Variants in TRPC4AP observed in about 807,000 individuals in gnomAD.
TRPC4AP encodes the protein transient receptor potential cation channel subfamily C member 4 associated protein.
Under a neutral mutation model 99.0 loss-of-function variants are expected in TRPC4AP, and 45 were observed. The observed-to-expected ratio is 0.45, with a 90% CI of 0.36 to 0.58. The LOEUF is 0.58. Ranked by LOEUF, TRPC4AP falls within the 20% of genes least tolerant of loss-of-function variation. The pLI, the probability that TRPC4AP is intolerant of heterozygous loss-of-function variation, is 0.00. For synonymous variants in TRPC4AP, 408 were observed against 385.8 expected (o/e 1.06, Z -0.67); for missense variants, 879 against 985.3 (o/e 0.89, Z 1.44).
intron 12 of TRPC4AP, among the ~76,000 whole-genome samples, chr20:35,009,526 G>A (rs1387769556): frequency 6.6e-6 from 1 of 152,120 alleles, no homozygotes; most frequent in Non-Finnish European, 1.5e-5. Flanking sequence ...CACACCTGTA[G>A]TCCCAGCTAC....
At chr20:35,029,142 T>C (rs1435117461) in intron 8 of TRPC4AP, among the ~76,000 whole-genome samples, 2 of 152,080 alleles carry the variant, frequency 1.3e-5, no homozygotes, top group Non-Finnish European at 1.5e-5. Flanking sequence ...TCCCAACTAC[T>C]TGGGAGGCTG....
chr20:35,035,428 T>C (rs925643424), intron 7 of TRPC4AP, 120 bp from the exon 8 acceptor site: 12 of 1,086,998 alleles, frequency 1.1e-5, no homozygotes, highest in Non-Finnish European at 1.5e-5. Context: ...TAGCTAAAGC[T>C]ACTCTTTTAA....
intron 8 of TRPC4AP, among the ~76,000 whole-genome samples, chr20:35,031,191 C>A (rs1174666056): frequency 6.6e-6 from 1 of 151,858 alleles, no homozygotes; most frequent in African/African-American, 2.4e-5. Flanking sequence ...GCATGATGAG[C>A]CATTTTTCTC....
Position 35,021,374 on chromosome 20 carries a change from G to A in TRPC4AP, c.1052-18C>T. ...AATGGAGGCTGACACAGCCACCGGAGACAGGATTGAGTCACAGCTTGTGAG... is the reference window on the plus strand; with the variant it reads ...AATGGAGGCTGACACAGCCACCGGAAACAGGATTGAGTCACAGCTTGTGAG... On this transcript the variant is annotated intron_variant, in intron 8 of 18. Coordinates refer to ENST00000252015, the MANE Select transcript of TRPC4AP (RefSeq NM_015638.3). 2 of 1,611,326 alleles carry A rather than the reference G, an allele frequency of 1.2e-6. No homozygotes were observed. The highest frequency in any genetic ancestry group is 2.7e-5 in the African/African-American group (2 of 74,982).
intron 13 of TRPC4AP, 71 bp from the exon 14 acceptor site, chr20:35,007,711 T>C (rs2082543726): frequency 4.7e-6 from 7 of 1,504,506 alleles, no homozygotes; most frequent in South Asian, 3.4e-5. Flanking sequence ...CTCCAAGGGG[T>C]TGGGAGATGT....
intron 1 of TRPC4AP, among the ~76,000 whole-genome samples, chr20:35,091,825 T>C (rs971231597): frequency 6.6e-6 from 1 of 151,964 alleles, no homozygotes; most frequent in African/African-American, 2.4e-5. Flanking sequence ...TTGCCCCCTT[T>C]GATCTCCACA....
chr20:35,005,885 G>T, intron 15 of TRPC4AP, 82 bp from the exon 16 acceptor site: 1 of 1,255,274 alleles, frequency 8.0e-7, no homozygotes, highest in Admixed American at 1.8e-5. Context: ...CACTACAAGG[G>T]GCATCAGCGA....
intron 5 of TRPC4AP, among the ~76,000 whole-genome samples, chr20:35,051,132 T>G (rs560416679): frequency 1.6e-4 from 25 of 152,202 alleles, no homozygotes; most frequent in Non-Finnish European, 3.2e-4. Context: ...TATTTCTTTT[T>G]TTTAGCCTCT....
At chr20:35,061,421 A>C (rs1203974759) in intron 3 of TRPC4AP, among the ~76,000 whole-genome samples, 1 of 152,218 alleles carries the variant, frequency 6.6e-6, no homozygotes, top group African/African-American at 2.4e-5. Context: ...ATTGACCTAC[A>C]AATTCAATGC....
At chr20:35,036,094 C>A (rs1484838488) in intron 7 of TRPC4AP, among the ~76,000 whole-genome samples, 2 of 152,172 alleles carry the variant, frequency 1.3e-5, no homozygotes, top group Non-Finnish European at 2.9e-5. Context: ...TTCCACCAAT[C>A]TCATTTTATT....
intron 3 of TRPC4AP, among the ~76,000 whole-genome samples, chr20:35,059,905 CGAAGACGAAGAAGACAA>C (rs1569132223): frequency 2.2e-5 from 1 of 46,088 alleles, no homozygotes; most frequent in Non-Finnish European, 5.7e-5. Context: ...ATGAAGAAGA[CGAAGACGAAGAAGACAA>C]AGACGAAGAA....
rs765881274 is a variant in TRPC4AP, at chr20:35,066,937, C to G, written c.414+2359G>C. Among the ~76,000 whole-genome samples the G allele has an allele frequency of 5.3e-4, 80 of 151,944 alleles. 2 individuals carry two copies. The highest frequency in any genetic ancestry group is 1.6e-4 in the Non-Finnish European group (11 of 67,990). On this transcript the variant is annotated intron_variant, in intron 3 of 18. Coordinates refer to ENST00000252015, the MANE Select transcript of TRPC4AP (RefSeq NM_015638.3). The stretch of plus-strand genomic sequence containing the variant: ...GCAGAAAAGGAACTACTTATAAACA[C>G]AAGAAAAAATATCCAATCTCAGTCA...
rs112677737 is a variant in TRPC4AP, at chr20:35,044,617, G to C, written c.753C>G (p.Val251=). 1.4e-5 allele frequency: 22 copies of C among 1,614,110 alleles called. No homozygotes were observed. The highest frequency in any genetic ancestry group is 5.3e-5 in the African/African-American group (4 of 75,032). The change falls in exon 7 of 19, where the codon GTC becomes GTG. Residue 251 remains valine, a synonymous_variant. Transcript: ENST00000252015. ...TCCCTGTATCCATCTCTGAAATGGT[G>C]ACAGCCAGAATCCGGCAGAAATTAG... is the stretch of plus-strand genomic sequence containing the variant. ...QLANFCRILA[V]TISEMDTGND...
At chr20:35,003,855 ACCTGTC>A (rs1201903813) in intron 17 of TRPC4AP, among the ~76,000 whole-genome samples, 1 of 151,810 alleles carries the variant, frequency 6.6e-6, no homozygotes, top group Non-Finnish European at 1.5e-5. Context: ...AGGCAACAAC[ACCTGTC>A]CCTGTCCAGA....
chr20:35,004,960 C>A (rs3746432), intron 16 of TRPC4AP, among the ~76,000 whole-genome samples: 3 of 151,974 alleles, frequency 2.0e-5, no homozygotes, highest in Non-Finnish European at 2.9e-5. Context: ...GAGGTCCTAG[C>A]GCAACTGGTT....
chr20:35,074,940 T>C (rs559403237), intron 2 of TRPC4AP, among the ~76,000 whole-genome samples: 1 of 152,326 alleles, frequency 6.6e-6, no homozygotes, highest in East Asian at 1.9e-4. Flanking sequence ...TGAACCTGGG[T>C]GCTCCTGTAT....
chr20:35,055,171 CT>C, intron 4 of TRPC4AP, 140 bp from the exon 5 acceptor site: 1 of 699,892 alleles, frequency 1.4e-6, no homozygotes, highest in Non-Finnish European at 2.3e-6. Context: ...CTTCCAGCCC[CT>C]GTCTACCAAA....
chr20:35,017,396 G>A (rs1439514838), intron 9 of TRPC4AP, among the ~76,000 whole-genome samples: 2 of 152,150 alleles, frequency 1.3e-5, no homozygotes, highest in Admixed American at 6.5e-5. Flanking sequence ...GGATCAGAGG[G>A]GAGAGAGGCT....
At chr20:35,082,070 A>C (rs1039469067) in intron 1 of TRPC4AP, among the ~76,000 whole-genome samples, 1 of 152,208 alleles carries the variant, frequency 6.6e-6, no homozygotes, top group African/African-American at 2.4e-5. Flanking sequence ...GGCAAACTGG[A>C]TAATGTTAAT....
Sources: gnomAD v4.1 joint callset for allele counts (sites outside exome capture counted in the v4.1 genomes callset) on GRCh38, gnomAD v4.1.1 for gene constraint, MANE v1.5 for transcripts, NCBI Gene and HGNC (gene_info 2026-07-23, HGNC 2026-07-21) for gene names.